NBEA: variants seen among roughly 807,000 people sequenced by gnomAD.
The protein encoded by NBEA is lysosomal-trafficking regulator 2.
A neutral mutation model predicts 343.4 loss-of-function variants in NBEA; 44 were observed. The observed-to-expected ratio is 0.13, with a 90% confidence interval of 0.10 to 0.16. The LOEUF (loss-of-function observed/expected upper bound fraction) is 0.16, where lower values mean the gene tolerates loss of function less well. NBEA is among the 10% of genes least tolerant of loss of function. The probability of loss-of-function intolerance (pLI) is 1.00; values close to 1 mark genes in which losing one functional copy is unlikely to be tolerated. For synonymous variants in NBEA, 1,175 were observed against 1,238.7 expected, an observed-to-expected ratio of 0.95 and a Z score of 1.08; for missense variants, 2,555 against 3,631.3, an observed-to-expected ratio of 0.70 and a Z score of 7.62.
intron 1 of NBEA, among the ~76,000 whole-genome samples, chr13:34,975,525 A>G (rs1356754016): frequency 6.6e-6 from 1 of 152,204 alleles, no homozygotes; most frequent in African/African-American, 2.4e-5. Context: ...TGGCTTAGGC[A>G]AAGACTTCAT....
intron 1 of NBEA, among the ~76,000 whole-genome samples, chr13:35,014,835 C>T (rs1013171716): frequency 2.0e-5 from 3 of 151,916 alleles, no homozygotes; most frequent in Non-Finnish European, 2.9e-5. Context: ...GCAGCAGTCC[C>T]GCTGCCAGCA....
rs374723903 is a variant in NBEA, at chr13:35,161,811, G to A, written c.3923G>A (p.Arg1308Gln). Reference protein sequence around the residue: ...DRDLRVDLGFRGMPMTEEQRR... With the variant: ...DRDLRVDLGFQGMPMTEEQRR... ...GATCTCCGAGTTGATTTAGGATTTC[G>A]AGGAATGCCAATGACTGAGGAACAG... Residue 1308 changes from arginine to glutamine, a missense_variant, in exon 23 of 59, where the codon CGA (arginine) becomes CAA (glutamine). Arg to Gln is a conservative substitution (Grantham distance 43, BLOSUM62 1). This residue lies in a region of NBEA where 69 missense variants were observed against 128.8 expected (regional missense o/e 0.54). Coordinates refer to ENST00000379939, the MANE Select transcript of NBEA (RefSeq NM_001385012.1). 27 of 1,612,202 alleles carry A rather than the reference G, an allele frequency of 1.7e-5. No individual in the cohort carries two copies. Among genetic ancestry groups the A allele is most frequent in the Non-Finnish European group, 1.9e-5 (22 of 1,179,296 alleles).
chr13:35,503,986 A>C lies in NBEA; in HGVS notation c.6585+31450A>C, dbSNP rs530161838. ...CAAATACATGATTTGAAGTGTGCAA[A>C]ATTTATGTAAAAATATGAGAATACA... On this transcript the variant is annotated intron_variant, in intron 41 of 58. Coordinates refer to ENST00000379939, the MANE Select transcript of NBEA (RefSeq NM_001385012.1). 2.4e-4 allele frequency among the ~76,000 whole-genome samples: 37 copies of C among 152,296 alleles called. No homozygotes were observed. The East Asian group carries it at 7.1e-3, about 29-fold the overall frequency.
At chr13:35,359,717 G>C (rs944254394) in intron 38 of NBEA, among the ~76,000 whole-genome samples, 2 of 151,696 alleles carry the variant, frequency 1.3e-5, no homozygotes, top group Non-Finnish European at 2.9e-5. Flanking sequence ...GTTTTTCTTT[G>C]TTTATTTTAG....
intron 1 of NBEA, among the ~76,000 whole-genome samples, chr13:34,953,256 T>C (rs1371382288): frequency 1.3e-5 from 2 of 152,228 alleles, no homozygotes. Flanking sequence ...TACTTGATTA[T>C]AAAATGTCAT....
In NBEA at chr13:35,203,598, C is replaced by A. The variant is rs573343841; in HGVS notation, c.5367-5102C>A. ...TATATTGCTATATCTCCAGAACTTA[C>A]GTCAGTTCCACACACATTGCAATGC... is the stretch of plus-strand genomic sequence containing the variant. On this transcript the variant is annotated intron_variant, in intron 31 of 58. Coordinates refer to ENST00000379939, the MANE Select transcript of NBEA (RefSeq NM_001385012.1). 2.6e-5 allele frequency among the ~76,000 whole-genome samples: 4 copies of A among 152,120 alleles called. No individual in the cohort carries two copies. In the East Asian group the frequency reaches 7.7e-4, roughly 29 times the overall value.
intron 40 of NBEA, among the ~76,000 whole-genome samples, chr13:35,456,152 T>A (rs76964723): frequency 1.3e-5 from 2 of 152,054 alleles, no homozygotes; most frequent in East Asian, 3.8e-4. Flanking sequence ...ATGTTGGCCT[T>A]TTCTTATGTT....
At chr13:35,021,980 C>T (rs915832130) in intron 1 of NBEA, among the ~76,000 whole-genome samples, 1 of 152,036 alleles carries the variant, frequency 6.6e-6, no homozygotes, top group Non-Finnish European at 1.5e-5. Flanking sequence ...GATGAAGTTA[C>T]TTACATTTCT....
chr13:35,431,216 G>GTCCT (rs1274178175), intron 38 of NBEA, among the ~76,000 whole-genome samples: 1 of 151,924 alleles, frequency 6.6e-6, no homozygotes, highest in African/African-American at 2.4e-5. Flanking sequence ...ACATACATAG[G>GTCCT]TCCTGCCTTA....
chr13:35,611,923 A>G (rs1420349702), intron 48 of NBEA, among the ~76,000 whole-genome samples: 1 of 152,162 alleles, frequency 6.6e-6, no homozygotes, highest in African/African-American at 2.4e-5. Flanking sequence ...TGGGGTATAG[A>G]CCTAGGAGTA....
At chr13:35,655,438 C>A in intron 54 of NBEA, 141 bp from the exon 55 acceptor site, 1 of 856,032 alleles carries the variant, frequency 1.2e-6, no homozygotes, top group Non-Finnish European at 1.7e-6. Flanking sequence ...ACTTTGTCAG[C>A]CCATAGATGA....
chr13:35,147,006 C>T lies in NBEA; in HGVS notation c.2445+4629C>T, dbSNP rs74048916. On this transcript the variant is annotated intron_variant, in intron 18 of 58. Coordinates refer to ENST00000379939, the MANE Select transcript of NBEA (RefSeq NM_001385012.1). ...TGTTAGTATATTTTCTTAGGGCCTC[C>T]ACAAGGCATCTCTGGAACAAAGCTG... Among the ~76,000 whole-genome samples the T allele has an allele frequency of 7.0e-3, 1,070 of 152,266 alleles. 21 individuals carry two copies. The highest frequency in any genetic ancestry group is 0.024 in the African/African-American group (1,010 of 41,556).
intron 18 of NBEA, among the ~76,000 whole-genome samples, chr13:35,143,913 AAC>A (rs977657878): frequency 1.3e-5 from 2 of 151,452 alleles, no homozygotes; most frequent in African/African-American, 4.9e-5. Flanking sequence ...CAAAAAAAAA[AAC>A]AAAAACAAAT....
At chr13:34,944,016 TGAG>T (rs2059115738) in intron 1 of NBEA, among the ~76,000 whole-genome samples, 1 of 152,190 alleles carries the variant, frequency 6.6e-6, no homozygotes, top group Non-Finnish European at 1.5e-5. Flanking sequence ...AATCATACAT[TGAG>T]GATAATTAAC....
intron 38 of NBEA, among the ~76,000 whole-genome samples, chr13:35,422,586 G>A (rs868079349): frequency 5.8e-4 from 89 of 152,160 alleles, no homozygotes; most frequent in Middle Eastern, 3.4e-3. Context: ...CTTTGCTATT[G>A]TGAATAGTGC....
At chr13:35,363,747 G>C (rs2040946317) in intron 38 of NBEA, among the ~76,000 whole-genome samples, 1 of 151,832 alleles carries the variant, frequency 6.6e-6, no homozygotes, top group Non-Finnish European at 1.5e-5. Context: ...TATAACCATG[G>C]AACAATTTTT....
At chr13:35,390,916 G>A (rs1358378182) in intron 38 of NBEA, among the ~76,000 whole-genome samples, 1 of 152,030 alleles carries the variant, frequency 6.6e-6, no homozygotes, top group African/African-American at 2.4e-5. Context: ...TGATTGAAGA[G>A]GAGTAATGGT....
chr13:34,995,526 G>A (rs903632083), intron 1 of NBEA, among the ~76,000 whole-genome samples: 6 of 152,044 alleles, frequency 3.9e-5, no homozygotes, highest in African/African-American at 4.8e-5. Context: ...AATGATTTGC[G>A]ATTAGGCAGC....
chr13:35,502,338 T>A (rs1394698464), intron 41 of NBEA, among the ~76,000 whole-genome samples: 1 of 152,110 alleles, frequency 6.6e-6, no homozygotes, highest in South Asian at 2.1e-4. Flanking sequence ...GCTGGTAATA[T>A]ATTAGGTAAA....
Sources: allele counts gnomAD v4.1 joint callset (sites outside exome capture counted in the v4.1 genomes callset), GRCh38; gene constraint gnomAD v4.1.1; regional missense constraint gnomAD v4.1.1; transcripts MANE v1.5; gene names NCBI Gene and HGNC (gene_info 2026-07-23, HGNC 2026-07-21).